TFDP2: variants seen among roughly 807,000 people sequenced by gnomAD.
The protein encoded by TFDP2 is transcription factor Dp-2 (E2F dimerization partner 2).
Under a neutral mutation model 59.3 loss-of-function variants are expected in TFDP2, and 17 were observed. The observed-to-expected ratio is 0.29, with a 90% CI of 0.20 to 0.43. The LOEUF is 0.43. Ranked by LOEUF, TFDP2 falls within the 20% of genes least tolerant of loss-of-function variation. The pLI is 1.00. For missense variants in TFDP2, 391 were observed against 528.8 expected (o/e 0.74, Z 2.56); for synonymous variants, 180 against 194.7 (o/e 0.92, Z 0.63).
chr3:141,962,747 A>T (rs1576469187), intron 10 of TFDP2, among the ~76,000 whole-genome samples: 1 of 152,252 alleles, frequency 6.6e-6, no homozygotes, highest in Non-Finnish European at 1.5e-5. Context: ...CAAGAGCGCC[A>T]GGAAGAAGAG....
intron 4 of TFDP2, among the ~76,000 whole-genome samples, chr3:141,999,318 T>C (rs1045074485): frequency 6.6e-6 from 1 of 152,252 alleles, no homozygotes; most frequent in Non-Finnish European, 1.5e-5. Flanking sequence ...TATTAACATA[T>C]GAAATAACAT....
In TFDP2 at chr3:142,052,507, G is replaced by A. The variant is rs1268917408; in HGVS notation, c.82+40554C>T. Among the ~76,000 whole-genome samples the A allele has an allele frequency of 2.6e-5, 4 of 151,874 alleles. No individual in the cohort carries two copies. The East Asian group carries it at 7.8e-4, about 29-fold the overall frequency. On this transcript the variant is annotated intron_variant, in intron 3 of 12. Coordinates refer to ENST00000489671, the MANE Select transcript of TFDP2 (RefSeq NM_001178139.2). ...TTGCAGTGAGTGGAGATCGAGCGGA[G>A]ATCAGCCTGGGCGACTGAGCGAGAC...
chr3:141,969,344 G>A (rs1349208476), intron 9 of TFDP2, among the ~76,000 whole-genome samples: 1 of 148,430 alleles, frequency 6.7e-6, no homozygotes, highest in African/African-American at 2.5e-5. Context: ...CCAGTGTGGT[G>A]GCTCATGCCT....
chr3:142,055,889 A>G (rs1194683563), intron 3 of TFDP2, among the ~76,000 whole-genome samples: 2 of 146,736 alleles, frequency 1.4e-5, no homozygotes, highest in Admixed American at 6.8e-5. Flanking sequence ...GCATGCAATT[A>G]TAAGACCAAG....
At chr3:142,010,560 G>A (rs1944582069) in intron 3 of TFDP2, among the ~76,000 whole-genome samples, 1 of 138,880 alleles carries the variant, frequency 7.2e-6, no homozygotes, top group African/African-American at 2.7e-5. Context: ...AGTGAGCCAA[G>A]ATCGCGCTAA....
intron 3 of TFDP2, chr3:142,043,978 C>A: frequency 1.4e-6 from 1 of 726,848 alleles, no homozygotes; most frequent in Non-Finnish European, 2.5e-6. Flanking sequence ...GCCACTGTGC[C>A]TGCCTTCCGG....
intron 4 of TFDP2, among the ~76,000 whole-genome samples, chr3:142,002,036 C>T (rs1245659987): frequency 6.7e-6 from 1 of 150,196 alleles, no homozygotes; most frequent in Admixed American, 6.6e-5. Context: ...GCTCTGTTGC[C>T]CAGGCTGGAG....
intron 3 of TFDP2, among the ~76,000 whole-genome samples, chr3:142,008,828 G>A (rs72990253): frequency 0.012 from 1,853 of 152,196 alleles, 37 homozygotes; most frequent in African/African-American, 0.042. Context: ...CATTTTATGT[G>A]TGTGTATGTA....
At chr3:142,095,141 C>T (rs551916891) in intron 2 of TFDP2, among the ~76,000 whole-genome samples, 1 of 152,108 alleles carries the variant, frequency 6.6e-6, no homozygotes, top group South Asian at 2.1e-4. Flanking sequence ...CAGGCGTCCA[C>T]CACCACGCCC....
At chr3:142,079,513 G>A (rs1471927911) in intron 3 of TFDP2, among the ~76,000 whole-genome samples, 3 of 152,080 alleles carry the variant, frequency 2.0e-5, no homozygotes, top group African/African-American at 7.2e-5. Context: ...CAAACCTAGA[G>A]AGAGATATCA....
chr3:142,057,789 G>C (rs908824479), intron 3 of TFDP2, among the ~76,000 whole-genome samples: 1 of 152,242 alleles, frequency 6.6e-6, no homozygotes, highest in African/African-American at 2.4e-5. Flanking sequence ...TATGGCTACA[G>C]GGAGACGCTA....
At chr3:142,094,597 G>A (rs1245027436) in intron 2 of TFDP2, among the ~76,000 whole-genome samples, 3 of 152,018 alleles carry the variant, frequency 2.0e-5, no homozygotes, top group East Asian at 1.9e-4. Flanking sequence ...CAGTCACCAC[G>A]CCCAGCCCTC....
At chr3:142,028,917 T>A (rs1279835890) in intron 3 of TFDP2, 1 of 163,568 alleles carries the variant, frequency 6.1e-6, no homozygotes, top group African/African-American at 2.4e-5. Flanking sequence ...ACACACTTGA[T>A]CTTAGCCAAA....
At chr3:142,118,433 C>T (rs1206988644) in intron 1 of TFDP2, among the ~76,000 whole-genome samples, 1 of 152,118 alleles carries the variant, frequency 6.6e-6, no homozygotes, top group Admixed American at 6.6e-5. Context: ...ATCCTCTGAA[C>T]TGGATTAAAT....
At chr3:142,076,797 A>G (rs529043808) in intron 3 of TFDP2, among the ~76,000 whole-genome samples, 10 of 152,318 alleles carry the variant, frequency 6.6e-5, no homozygotes, top group African/African-American at 2.4e-4. Context: ...AAGATGGCCA[A>G]ATAGAAGCCT....
intron 1 of TFDP2, among the ~76,000 whole-genome samples, chr3:142,136,794 TTGTAG>T (rs548937533): frequency 6.6e-6 from 1 of 152,042 alleles, no homozygotes; most frequent in Non-Finnish European, 1.5e-5. Flanking sequence ...TTTTGGTTAC[TTGTAG>T]TATAGTTTGA....
chr3:141,970,543 C>G (rs1939562258), intron 8 of TFDP2, among the ~76,000 whole-genome samples: 1 of 152,222 alleles, frequency 6.6e-6, no homozygotes, highest in Non-Finnish European at 1.5e-5. Flanking sequence ...TTGTTATCCA[C>G]TTTGCATCGA....
chr3:142,113,794 T>C (rs918616466), intron 1 of TFDP2, among the ~76,000 whole-genome samples: 10 of 152,160 alleles, frequency 6.6e-5, no homozygotes, highest in Admixed American at 3.9e-4. Context: ...AAATACCTAA[T>C]CTATATTCAA....
intron 3 of TFDP2, among the ~76,000 whole-genome samples, chr3:142,073,472 C>CA (rs79018185): frequency 2.7e-4 from 14 of 52,510 alleles, no homozygotes; most frequent in Non-Finnish European, 4.3e-4. Context: ...CCCCCCCCCG[C>CA]AAAAAAAAAA....
Sources: allele counts gnomAD v4.1 joint callset (sites outside exome capture counted in the v4.1 genomes callset), GRCh38; gene constraint gnomAD v4.1.1; transcripts MANE v1.5; gene names NCBI Gene and HGNC (gene_info 2026-07-23, HGNC 2026-07-21).